The following PEAK1 variants were observed in gnomAD, a reference collection of about 807,000 sequenced individuals.
PEAK1 encodes the protein pseudopodium enriched atypical kinase 1, also known as inactive tyrosine-protein kinase PEAK1.
PEAK1 carries 54 observed loss-of-function variants against 124.7 expected under a neutral mutation model. The ratio of observed to expected loss-of-function variants is 0.43; its 90% CI spans 0.35 to 0.54. The LOEUF (loss-of-function observed/expected upper bound fraction) is 0.54, where lower values mean the gene tolerates loss of function less well. Among genes scored for constraint, PEAK1 ranks in the 20% least tolerant of loss-of-function variants. The pLI is 0.01. For missense variants in PEAK1, 2,046 were observed against 2,134.5 expected (o/e 0.96, Z 0.82); for synonymous variants, 719 against 760.0 (o/e 0.95, Z 0.89).
intron 8 of PEAK1, among the ~76,000 whole-genome samples, chr15:77,139,324 A>G (rs569659492): frequency 4.1e-4 from 63 of 152,298 alleles, no homozygotes; most frequent in African/African-American, 1.5e-3. Context: ...GTTTTTTAAA[A>G]AATAAGTAGG....
At chr15:77,219,599 C>T (rs2059297001) in intron 6 of PEAK1, among the ~76,000 whole-genome samples, 1 of 151,970 alleles carries the variant, frequency 6.6e-6, no homozygotes, top group Non-Finnish European at 1.5e-5. Flanking sequence ...TAGAGTGTAA[C>T]GCTGCCATAA....
At chr15:77,376,483 G>T (rs576603908) in intron 1 of PEAK1, among the ~76,000 whole-genome samples, 30 of 152,038 alleles carry the variant, frequency 2.0e-4, no homozygotes, top group Non-Finnish European at 3.8e-4. Context: ...TCATATTGTG[G>T]CTAAGGAAAT....
intron 8 of PEAK1, among the ~76,000 whole-genome samples, chr15:77,134,532 A>G (rs189707762): frequency 7.9e-5 from 12 of 152,348 alleles, no homozygotes; most frequent in African/African-American, 2.9e-4. Flanking sequence ...AACATCTTTT[A>G]TAAGCCCTAG....
rs750690915 is a variant in PEAK1, at chr15:77,180,708, T to C, written c.1219A>G (p.Ile407Val). The C allele has an allele frequency of 9.3e-6, 15 of 1,613,902 alleles. No homozygotes were observed. The highest frequency in any genetic ancestry group is 4.5e-5 in the East Asian group (2 of 44,904). Residue 407 changes from isoleucine to valine, a missense_variant, in exon 7 of 10, where the codon ATA becomes GTA. Physicochemically the swap from Ile to Val is conservative, Grantham distance 29. Transcript: ENST00000682557. ...KDSSQASKSS[I>V]KVPETHKAVL... The stretch of plus-strand genomic sequence containing the variant: ...GCTTTGTGGGTCTCTGGAACTTTTA[T>C]TGAGCTTTTGGAAGCCTGTGATGAA...
chr15:77,277,910 ATATG>A (rs2062422059), intron 5 of PEAK1, among the ~76,000 whole-genome samples: 1 of 152,154 alleles, frequency 6.6e-6, no homozygotes, highest in Non-Finnish European at 1.5e-5. Flanking sequence ...AAAATACTCT[ATATG>A]ATACTAGAAT....
In PEAK1 at chr15:77,216,316, C is replaced by A. The variant is rs151194077; in HGVS notation, c.-114-34276G>T. ...ATTATGGAAAAACTGCATGGATTTT[C>A]AAATTTTTCTGCACCAAATAAACTC... On this transcript the variant is annotated intron_variant, in intron 6 of 9. Transcript: ENST00000682557. Among the ~76,000 whole-genome samples, 189 of 152,282 alleles carry A rather than the reference C, an allele frequency of 1.2e-3. 1 individual carries two copies. Among genetic ancestry groups the A allele is most frequent in the African/African-American group, 4.5e-3 (187 of 41,546 alleles).
intron 2 of PEAK1, among the ~76,000 whole-genome samples, chr15:77,298,312 G>A (rs377286863): frequency 3.0e-5 from 4 of 132,256 alleles, no homozygotes; most frequent in Middle Eastern, 5.1e-3. Context: ...TCCGCCTCCC[G>A]GATTCATGCC....
At chr15:77,188,962 A>C (rs1005397597) in intron 6 of PEAK1, among the ~76,000 whole-genome samples, 3 of 152,112 alleles carry the variant, frequency 2.0e-5, no homozygotes, top group African/African-American at 7.2e-5. Flanking sequence ...ACATTTTGGG[A>C]GGCCAAGGCG....
intron 1 of PEAK1, among the ~76,000 whole-genome samples, chr15:77,412,284 C>T (rs1342653941): frequency 6.6e-6 from 1 of 152,220 alleles, no homozygotes; most frequent in Non-Finnish European, 1.5e-5. Context: ...CAACTGCTGA[C>T]TTAATATCTC....
rs1164224612 is a variant in PEAK1 at position 77,158,713 on chromosome 15, C to T, written c.3138-17G>A. ...GTCATGTGACTGAAACAAATCAGACCACTTGTCACACTGGTATTGGAAGGT... is the reference window on the plus strand; with the variant it reads ...GTCATGTGACTGAAACAAATCAGACTACTTGTCACACTGGTATTGGAAGGT... On this transcript the variant is annotated splice_polypyrimidine_tract_variant and intron_variant, in intron 7 of 9. Coordinates refer to ENST00000682557, the MANE Select transcript of PEAK1 (RefSeq NM_001385026.1). 1 of 1,606,710 alleles carries T rather than the reference C, an allele frequency of 6.2e-7. No homozygotes were observed. The highest frequency in any genetic ancestry group is 1.7e-5 in the Admixed American group (1 of 59,918).
At chr15:77,362,566 T>C (rs958763537) in intron 2 of PEAK1, among the ~76,000 whole-genome samples, 1 of 152,146 alleles carries the variant, frequency 6.6e-6, no homozygotes, top group Admixed American at 6.6e-5. Flanking sequence ...AGTAGGAATG[T>C]AAAAAGGTAC....
intron 7 of PEAK1, among the ~76,000 whole-genome samples, chr15:77,164,498 G>A (rs1335442161): frequency 2.0e-5 from 3 of 152,134 alleles, no homozygotes; most frequent in Non-Finnish European, 4.4e-5. Context: ...TTAAAAAACA[G>A]ACTCAAATAG....
chr15:77,181,847 T>C lies in PEAK1; in HGVS notation c.80A>G (p.His27Arg). The C allele has an allele frequency of 6.2e-7, 1 of 1,613,456 alleles. No homozygotes were observed. The highest frequency in any genetic ancestry group is 8.5e-7 in the Non-Finnish European group (1 of 1,179,530). Residue 27 changes from histidine to arginine, a missense_variant, in exon 7 of 10, where the codon CAC (histidine) becomes CGC (arginine). Coordinates refer to ENST00000682557, the MANE Select transcript of PEAK1 (RefSeq NM_001385026.1). ...CKNCFKPKSL[H>R]QLPPDPEKAP... ...CTTCTCAGGGTCTGGGGGAAGCTGG[T>C]GCAAACTTTTAGGTTTAAAGCAATT... is the stretch of plus-strand genomic sequence containing the variant.
intron 2 of PEAK1, among the ~76,000 whole-genome samples, chr15:77,301,183 G>A (rs192165734): frequency 4.6e-5 from 7 of 152,274 alleles, no homozygotes; most frequent in Admixed American, 3.9e-4. Flanking sequence ...GAAGTCTCTA[G>A]GGGTGAATCA....
chr15:77,136,868 G>T (rs2053377204), intron 8 of PEAK1, among the ~76,000 whole-genome samples: 1 of 152,182 alleles, frequency 6.6e-6, no homozygotes, highest in African/African-American at 2.4e-5. Flanking sequence ...CATGTCAACG[G>T]TCTTCACGGC....
chr15:77,183,947 C>T (rs901204002), intron 6 of PEAK1, among the ~76,000 whole-genome samples: 2 of 152,044 alleles, frequency 1.3e-5, no homozygotes, highest in Non-Finnish European at 2.9e-5. Context: ...CTCACCTCAG[C>T]CTCTGGAGTA....
chr15:77,204,039 T>C (rs755989966), intron 6 of PEAK1, among the ~76,000 whole-genome samples: 12 of 152,108 alleles, frequency 7.9e-5, no homozygotes, highest in Non-Finnish European at 1.6e-4. Context: ...TTATTCAAAA[T>C]ACAAAAATAA....
chr15:77,266,942 C>T (rs2061767775), intron 5 of PEAK1, among the ~76,000 whole-genome samples: 1 of 151,922 alleles, frequency 6.6e-6, no homozygotes, highest in Non-Finnish European at 1.5e-5. Context: ...AAGTTCTCAG[C>T]CCTCCTCACT....
At chr15:77,168,847 T>C (rs2056310476) in intron 7 of PEAK1, among the ~76,000 whole-genome samples, 1 of 152,210 alleles carries the variant, frequency 6.6e-6, no homozygotes, top group South Asian at 2.1e-4. Context: ...CTAGACATAG[T>C]TGGATTCCTG....
Sources: allele counts gnomAD v4.1 joint callset (sites outside exome capture counted in the v4.1 genomes callset), GRCh38; gene constraint gnomAD v4.1.1; transcripts MANE v1.5; gene names NCBI Gene and HGNC (gene_info 2026-07-23, HGNC 2026-07-21).